Variants in C2CD3 observed in about 807,000 individuals in gnomAD.
C2CD3 encodes C2 domain-containing protein 3.
Under a neutral mutation model 234.0 loss-of-function variants are expected in C2CD3, and 148 were observed. That is an observed-to-expected ratio of 0.63 (90% CI 0.55 to 0.72). The LOEUF (loss-of-function observed/expected upper bound fraction) is 0.72. Among genes scored for constraint, C2CD3 ranks in the 30% least tolerant of loss-of-function variants. The pLI, the probability that C2CD3 is intolerant of heterozygous loss-of-function variation, is 0.00. For missense variants in C2CD3, 2,577 were observed against 2,811.5 expected, an observed-to-expected ratio of 0.92 and a Z score of 1.89; for synonymous variants, 1,000 against 1,035.4, an observed-to-expected ratio of 0.97 and a Z score of 0.66.
chr11:74,066,095 C>T (rs1164565608), intron 24 of C2CD3, among the ~76,000 whole-genome samples: 3 of 147,796 alleles, frequency 2.0e-5, no homozygotes, highest in Admixed American at 6.8e-5. Context: ...GGCACAGATA[C>T]ACCATGGAAT....
intron 32 of C2CD3, among the ~76,000 whole-genome samples, chr11:74,016,014 C>T (rs913828725): frequency 1.3e-5 from 2 of 152,114 alleles, no homozygotes; most frequent in Middle Eastern, 3.2e-3. Context: ...GAATTCAAGG[C>T]TGCAGTAAGC....
rs761207981 is a variant in C2CD3 at position 74,118,342 on chromosome 11, T to A, written c.1406A>T (p.Asp469Val). 2.5e-6 allele frequency: 4 copies of A among 1,612,910 alleles called. No individual in the cohort carries two copies. The highest frequency in any genetic ancestry group is 3.4e-6 in the Non-Finnish European group (4 of 1,178,958). Residue 469 changes from aspartate to valine, a missense_variant, in exon 9 of 33, where the codon GAT becomes GTT. Physicochemically the swap from Asp to Val is radical, Grantham distance 152. Coordinates refer to ENST00000334126, the MANE Select transcript of C2CD3 (RefSeq NM_001286577.2). ...TSISDFLSEE[D>V]DIVPSKKISQ... is the part of the protein sequence containing the mutation. ...TATTTTTTTAGAAGGGACGATATCA[T>A]CCTCTTCACTGAGGAAATCACTGAT...
Position 74,141,043 on chromosome 11 carries a change from G to C in C2CD3, c.484-1215C>G, listed in dbSNP as rs117340404. ...TCCAAAGGAAAAGAATAGTAGCGCT[G>C]AAAGTTCAGTTTCAATGACAAAGAA... is the stretch of plus-strand genomic sequence containing the variant. On this transcript the variant is annotated intron_variant, in intron 3 of 32. Coordinates refer to ENST00000334126, the MANE Select transcript of C2CD3 (RefSeq NM_001286577.2). 5.0e-3 allele frequency among the ~76,000 whole-genome samples: 758 copies of C among 152,304 alleles called. 5 individuals are homozygous for C. Among genetic ancestry groups the C allele is most frequent in the Non-Finnish European group, 7.6e-3 (515 of 68,022 alleles).
intron 3 of C2CD3, among the ~76,000 whole-genome samples, chr11:74,141,763 G>T (rs1958055035): frequency 1.3e-5 from 2 of 152,096 alleles, no homozygotes; most frequent in Admixed American, 1.3e-4. Flanking sequence ...GGGAGGCAGG[G>T]GTAGGAGGAT....
rs190173525 is a variant in C2CD3 at position 74,059,271 on chromosome 11, C to T, written c.4952-1727G>A. Among the ~76,000 whole-genome samples the T allele has an allele frequency of 3.2e-3, 489 of 151,854 alleles. 3 individuals carry two copies. The Middle Eastern group carries it at 0.034, about 11-fold the overall frequency. On this transcript the variant is annotated intron_variant, in intron 24 of 32. Transcript: ENST00000334126. Reference sequence around the variant, plus strand: ...TAAACAATACAAAAAATTAGCCAGGCGTGGTGGTGGCTGCCTGTAGTCCCA... The same window carrying T: ...TAAACAATACAAAAAATTAGCCAGGTGTGGTGGTGGCTGCCTGTAGTCCCA...
intron 23 of C2CD3, among the ~76,000 whole-genome samples, chr11:74,076,633 C>T (rs1476509295): frequency 6.6e-6 from 1 of 152,148 alleles, no homozygotes; most frequent in African/African-American, 2.4e-5. Flanking sequence ...ACCTCCCTAG[C>T]TTCATCTCTA....
intron 26 of C2CD3, among the ~76,000 whole-genome samples, chr11:74,050,052 T>A (rs1953602576): frequency 6.6e-6 from 1 of 152,158 alleles, no homozygotes. Flanking sequence ...AGTGTTGGGA[T>A]TACACATGTA....
In C2CD3 at chr11:74,168,576, AGGTGGC is replaced by A; in HGVS notation, c.87_92del (p.Pro30_Pro31del). On this transcript the variant is annotated inframe_deletion, in exon 2 of 33. Coordinates refer to ENST00000334126, the MANE Select transcript of C2CD3 (RefSeq NM_001286577.2). ...AACAGCGTAGCTGGCCTTCAACCAG[AGGTGGC>A]AGGCTTGTAGATGGAGAAATGTCAC... 6.2e-7 allele frequency: 1 copy of A among 1,614,144 alleles called. No homozygotes were observed. Among genetic ancestry groups the A allele is most frequent in the East Asian group, 2.2e-5 (1 of 44,886 alleles).
chr11:74,065,051 A>C (rs903790038), intron 24 of C2CD3, among the ~76,000 whole-genome samples: 10 of 152,252 alleles, frequency 6.6e-5, no homozygotes, highest in African/African-American at 2.4e-4. Context: ...ACAAAAGCCA[A>C]AATTGACAAA....
chr11:74,122,622 T>G lies in C2CD3; in HGVS notation c.1365+366A>C, dbSNP rs77859606. ...GTCTCCTGTGAGTAAGAAGTGTTTT[T>G]GGAATATTTTTAACAGATACCAGTT... On this transcript the variant is annotated intron_variant, in intron 8 of 32. Transcript: ENST00000334126. Among the ~76,000 whole-genome samples, 1,452 of 152,308 alleles carry G rather than the reference T, an allele frequency of 9.5e-3. 22 individuals are homozygous for G. Among genetic ancestry groups the G allele is most frequent in the African/African-American group, 0.033 (1,386 of 41,564 alleles).
At position 74,114,491 on chromosome 11, in the gene C2CD3, G is replaced by A. The variant is rs1956860820; in HGVS notation, c.1623C>T (p.Val541=). 1.9e-6 allele frequency: 3 copies of A among 1,613,488 alleles called. No individual in the cohort carries two copies. The African/African-American group carries it at 4.0e-5, about 22-fold the overall frequency. The stretch of plus-strand genomic sequence containing the variant: ...CTCCCATGGTTTCGATGATGATTCT[G>A]ACTGAATGTGTTCTACCCAAAAGGG... ...RLALLGRTHS[V]RIIIETMGVP... is the part of the protein sequence containing the mutation. The change falls in exon 10 of 33, where the codon GTC becomes GTT. Residue 541 remains valine, a synonymous_variant. Transcript: ENST00000334126.
intron 3 of C2CD3, among the ~76,000 whole-genome samples, chr11:74,141,865 G>C (rs1958059634): frequency 6.6e-6 from 1 of 151,960 alleles, no homozygotes; most frequent in South Asian, 2.1e-4. Flanking sequence ...GCTGGGCATG[G>C]TGGCATGTAC....
intron 24 of C2CD3, among the ~76,000 whole-genome samples, chr11:74,072,950 C>A (rs1451858548): frequency 6.6e-6 from 1 of 152,022 alleles, no homozygotes; most frequent in African/African-American, 2.4e-5. Flanking sequence ...AGAAGGGGGC[C>A]TTTATATTGG....
chr11:74,093,909 G>T lies in C2CD3; in HGVS notation c.3251C>A (p.Pro1084Gln). ...NSEHHHSLLL[P>Q]AEVPVQRLLL... ...GAGCCTTTGCACTGGAACCTCAGCT[G>T]GCAACAGGAGAGAGTGATGGTGTTC... The change falls in exon 18 of 33, where the codon CCA becomes CAA. Residue 1084 changes from proline to glutamine, a missense_variant. Physicochemically the swap from Pro to Gln is moderately conservative, Grantham distance 76 (BLOSUM62 -1). Transcript: ENST00000334126. 1 of 1,614,020 alleles carries T rather than the reference G, an allele frequency of 6.2e-7. No individual in the cohort carries two copies. Among genetic ancestry groups the T allele is most frequent in the African/African-American group, 1.3e-5 (1 of 75,018 alleles).
Position 74,106,407 on chromosome 11 carries a change from T to A in C2CD3, c.2049A>T (p.Gln683His). 3 of 1,614,176 alleles carry A rather than the reference T, an allele frequency of 1.9e-6. No individual in the cohort carries two copies. In the South Asian group the frequency reaches 3.3e-5, roughly 18 times the overall value. ...LLSFSDQLPVQQENGQSPFGP... is the reference protein window; with the variant it reads ...LLSFSDQLPVHQENGQSPFGP... ...CAAATGGAGACTGACCATTTTCTTG[T>A]TGCACTGGAAGCTGATCACTGAAAG... Residue 683 changes from glutamine (Q) to histidine (H), a missense_variant, in exon 13 of 33, where the codon CAA becomes CAT. Transcript: ENST00000334126.
At chr11:74,132,787 C>A in intron 7 of C2CD3, 57 bp downstream of exon 7, 1 of 1,537,142 alleles carries the variant, frequency 6.5e-7, no homozygotes, top group Non-Finnish European at 8.9e-7. Flanking sequence ...GATAACAATG[C>A]ATACTATGAA....
Position 74,085,735 on chromosome 11 carries a change from C to T in C2CD3, c.3793G>A (p.Val1265Ile), listed in dbSNP as rs747037639. 42 of 1,614,076 alleles carry T rather than the reference C, an allele frequency of 2.6e-5. No individual in the cohort carries two copies. The highest frequency in any genetic ancestry group is 2.2e-4 in the South Asian group (20 of 91,082). The change falls in exon 21 of 33, where the codon GTT becomes ATT. Residue 1265 changes from valine to isoleucine, a missense_variant. Coordinates refer to ENST00000334126, the MANE Select transcript of C2CD3 (RefSeq NM_001286577.2). The stretch of plus-strand genomic sequence containing the variant: ...GTCACCAAGTTACATGTGAACTCAA[C>T]GTGATGGGAGAACTCAGGGCAGAAA... Reference protein sequence around the residue: ...CSFCPEFSHHVEFTCNLVTQH... With the variant: ...CSFCPEFSHHIEFTCNLVTQH...
rs1366981834 is a variant in C2CD3 at position 74,106,248 on chromosome 11, T to C, written c.2085+123A>G. 4.5e-6 allele frequency: 4 copies of C among 895,470 alleles called. No homozygotes were observed. The African/African-American group carries it at 6.8e-5, about 15-fold the overall frequency. The allele number at this position is 895,470 out of a possible 1,614,324, so 55.5% of individuals were successfully genotyped here. Reference sequence around the variant, plus strand: ...CCTTCATAGTACTTCCACTGCTCTATTTCAAGAGATGCTACACAAGATCAA... The same window carrying C: ...CCTTCATAGTACTTCCACTGCTCTACTTCAAGAGATGCTACACAAGATCAA... On this transcript the variant is annotated intron_variant, in intron 13 of 32. Transcript: ENST00000334126.
At chr11:74,141,958 TGCCACTGTACTACA>T (rs1958062747) in intron 3 of C2CD3, among the ~76,000 whole-genome samples, 2 of 152,052 alleles carry the variant, frequency 1.3e-5, no homozygotes, top group African/African-American at 4.8e-5. Context: ...GCTATGATTG[TGCCACTGTACTACA>T]GCCTGGGCAA....
Sources: allele counts gnomAD v4.1 joint callset (sites outside exome capture counted in the v4.1 genomes callset), GRCh38; gene constraint gnomAD v4.1.1; transcripts MANE v1.5; gene names NCBI Gene and HGNC (gene_info 2026-07-23, HGNC 2026-07-21).